NBEA: variants seen among roughly 807,000 people sequenced by gnomAD.
NBEA encodes the protein lysosomal-trafficking regulator 2.
A neutral mutation model predicts 343.4 loss-of-function variants in NBEA; 44 were observed. That is an observed-to-expected ratio of 0.13 (90% CI 0.10 to 0.16). NBEA has a LOEUF of 0.16. Among genes scored for constraint, NBEA ranks in the 10% least tolerant of loss-of-function variants. NBEA has a pLI of 1.00. For synonymous variants in NBEA, 1,175 were observed against 1,238.7 expected (o/e 0.95, Z 1.08); for missense variants, 2,555 against 3,631.3 (o/e 0.70, Z 7.62).
chr13:35,667,043 G>A (rs546357459), intron 56 of NBEA, among the ~76,000 whole-genome samples: 8 of 152,232 alleles, frequency 5.3e-5, no homozygotes, highest in African/African-American at 9.6e-5. Flanking sequence ...TTCTAAAAGC[G>A]TATTAAGAGA....
At chr13:35,007,404 A>G (rs2061353847) in intron 1 of NBEA, among the ~76,000 whole-genome samples, 1 of 152,134 alleles carries the variant, frequency 6.6e-6, no homozygotes, top group South Asian at 2.1e-4. Flanking sequence ...CTACCATTGA[A>G]TTATCAAATT....
intron 40 of NBEA, among the ~76,000 whole-genome samples, chr13:35,459,011 C>G (rs1174123991): frequency 8.5e-6 from 1 of 118,104 alleles, no homozygotes; most frequent in African/African-American, 3.7e-5. Flanking sequence ...CACCGCCCCC[C>G]CCCCCCCACA....
intron 1 of NBEA, among the ~76,000 whole-genome samples, chr13:34,979,836 CT>C (rs1311144522): frequency 4.6e-5 from 7 of 152,094 alleles, no homozygotes; most frequent in African/African-American, 7.2e-5. Flanking sequence ...CTTCTAGAGG[CT>C]TTATAGTTTT....
At chr13:34,997,763 A>T (rs2060987649) in intron 1 of NBEA, among the ~76,000 whole-genome samples, 1 of 152,178 alleles carries the variant, frequency 6.6e-6, no homozygotes, top group Non-Finnish European at 1.5e-5. Context: ...TCATTGTTGT[A>T]ATTTCAGGCA....
intron 7 of NBEA, among the ~76,000 whole-genome samples, chr13:35,057,429 G>A (rs1566220142): frequency 6.6e-6 from 1 of 152,044 alleles, no homozygotes; most frequent in African/African-American, 2.4e-5. Flanking sequence ...ATTTTTAAAG[G>A]TTTTTGTTTT....
intron 45 of NBEA, among the ~76,000 whole-genome samples, chr13:35,582,154 C>T (rs554798799): frequency 1.1e-4 from 17 of 151,948 alleles, no homozygotes; most frequent in Admixed American, 8.5e-4. Flanking sequence ...GGCATGGTGG[C>T]GGGCGCCTGT....
intron 34 of NBEA, among the ~76,000 whole-genome samples, chr13:35,289,672 A>G (rs2035672286): frequency 6.6e-6 from 1 of 151,936 alleles, no homozygotes; most frequent in Non-Finnish European, 1.5e-5. Flanking sequence ...GTATAATGAT[A>G]ATTAAATGAG....
At chr13:35,113,919 T>C (rs1447721483) in intron 13 of NBEA, among the ~76,000 whole-genome samples, 1 of 152,204 alleles carries the variant, frequency 6.6e-6, no homozygotes, top group Non-Finnish European at 1.5e-5. Context: ...ATTATTTCGA[T>C]GCTCAAGATT....
At chr13:35,336,369 TA>T (rs1261496349) in intron 36 of NBEA, among the ~76,000 whole-genome samples, 1 of 152,036 alleles carries the variant, frequency 6.6e-6, no homozygotes, top group African/African-American at 2.4e-5. Context: ...ACACAGACAT[TA>T]AGTTTTTAAA....
intron 36 of NBEA, among the ~76,000 whole-genome samples, chr13:35,339,616 G>A (rs988023318): frequency 6.6e-5 from 10 of 152,038 alleles, no homozygotes; most frequent in African/African-American, 2.4e-4. Flanking sequence ...TCTTCTGCAG[G>A]CTGTAAAGGA....
intron 4 of NBEA, among the ~76,000 whole-genome samples, chr13:35,047,521 A>G (rs1345027951): frequency 6.6e-6 from 1 of 151,956 alleles, no homozygotes; most frequent in African/African-American, 2.4e-5. Flanking sequence ...TAAAGAATAA[A>G]TGAGATTTTG....
intron 53 of NBEA, among the ~76,000 whole-genome samples, chr13:35,652,650 A>T (rs1180983644): frequency 6.7e-6 from 1 of 148,992 alleles, no homozygotes; most frequent in Admixed American, 6.7e-5. Flanking sequence ...CAAAAAAAAA[A>T]AAGGAAGCTA....
At chr13:34,997,905 A>G (rs1349265820) in intron 1 of NBEA, among the ~76,000 whole-genome samples, 2 of 152,170 alleles carry the variant, frequency 1.3e-5, no homozygotes, top group Admixed American at 6.5e-5. Context: ...CCTTATTATA[A>G]TCAAACCAAT....
chr13:35,018,106 T>G (rs543317904), intron 1 of NBEA, among the ~76,000 whole-genome samples: 1 of 152,314 alleles, frequency 6.6e-6, no homozygotes, highest in Admixed American at 6.5e-5. Context: ...TGTTAATGTG[T>G]ATGTCTATTC....
chr13:35,662,546 T>C (rs1158504826), intron 55 of NBEA, among the ~76,000 whole-genome samples: 1 of 152,172 alleles, frequency 6.6e-6, no homozygotes, highest in Non-Finnish European at 1.5e-5. Flanking sequence ...TCAGAAAGCC[T>C]GGAATGGCAT....
rs762412118 is a variant in NBEA at position 34,987,946 on chromosome 13, C to T, written c.294+44832C>T. On this transcript the variant is annotated intron_variant, in intron 1 of 58. Transcript: ENST00000379939. ...CCTTGCAATGGGTTTGAACATCCTCCTTTAGCTCGGAGATGTTTGTTATTA... is the reference window on the plus strand; with the variant it reads ...CCTTGCAATGGGTTTGAACATCCTCTTTTAGCTCGGAGATGTTTGTTATTA... 5.5e-4 allele frequency among the ~76,000 whole-genome samples: 83 copies of T among 150,846 alleles called. 4 individuals are homozygous for T. Among genetic ancestry groups the T allele is most frequent in the Non-Finnish European group, 1.1e-3 (72 of 67,406 alleles).
At chr13:35,619,707 T>G (rs1488646371) in intron 48 of NBEA, among the ~76,000 whole-genome samples, 1 of 152,114 alleles carries the variant, frequency 6.6e-6, no homozygotes, top group Non-Finnish European at 1.5e-5. Context: ...CCATACAGGG[T>G]CTTTCTCAAG....
intron 16 of NBEA, among the ~76,000 whole-genome samples, chr13:35,122,215 A>T (rs947833485): frequency 6.6e-6 from 1 of 151,970 alleles, no homozygotes; most frequent in East Asian, 1.9e-4. Context: ...TATACTTGTT[A>T]AAAAAAACCT....
intron 1 of NBEA, among the ~76,000 whole-genome samples, chr13:34,963,314 G>A (rs2059716769): frequency 6.6e-6 from 1 of 151,926 alleles, no homozygotes; most frequent in Admixed American, 6.6e-5. Context: ...TCCTTTGTGT[G>A]TCTATGTCCT....
Sources: allele counts gnomAD v4.1 joint callset (sites outside exome capture counted in the v4.1 genomes callset), GRCh38; gene constraint gnomAD v4.1.1; transcripts MANE v1.5; gene names NCBI Gene and HGNC (gene_info 2026-07-23, HGNC 2026-07-21).